The following BLK variants were observed in gnomAD, a reference collection of about 807,000 sequenced individuals.
The protein encoded by BLK is BLK proto-oncogene, Src family tyrosine kinase.
A neutral mutation model predicts 61.8 loss-of-function variants in BLK; 64 were observed. The observed-to-expected ratio is 1.03, with a 90% CI of 0.85 to 1.27. The LOEUF is 1.27. Among genes scored for constraint, BLK ranks in the 50% most tolerant of loss-of-function variants. The probability of loss-of-function intolerance (pLI) is 0.00; values close to 1 mark genes in which losing one functional copy is unlikely to be tolerated. For synonymous variants in BLK, 351 were observed against 272.0 expected (o/e 1.29, Z -2.86); for missense variants, 853 against 660.5 (o/e 1.29, Z -3.19).
At chr8:11,495,037 T>G (rs1585308701) in intron 1 of BLK, among the ~76,000 whole-genome samples, 1 of 152,296 alleles carries the variant, frequency 6.6e-6, no homozygotes, top group Admixed American at 6.5e-5. Flanking sequence ...GTTGCTTTCG[T>G]TTTATTTGTT....
intron 1 of BLK, among the ~76,000 whole-genome samples, chr8:11,521,932 G>C (rs1227356200): frequency 6.6e-6 from 1 of 151,966 alleles, no homozygotes. Context: ...ATAAAATTTT[G>C]AAAACCAGCT....
At chr8:11,496,820 G>T (rs1798376063) in intron 1 of BLK, among the ~76,000 whole-genome samples, 1 of 152,222 alleles carries the variant, frequency 6.6e-6, no homozygotes, top group Non-Finnish European at 1.5e-5. Flanking sequence ...GTGGCTGTGA[G>T]CTGGGCTCGA....
intron 6 of BLK, 146 bp downstream of exon 6, chr8:11,550,408 C>G (rs1585400682): frequency 1.3e-6 from 1 of 793,750 alleles, no homozygotes; most frequent in African/African-American, 1.7e-5. Context: ...AATTCAGGCC[C>G]TGCCCGGGAG....
At chr8:11,558,678 G>C (rs1264110464) in intron 10 of BLK, 2 of 456,154 alleles carry the variant, frequency 4.4e-6, no homozygotes, top group Admixed American at 4.7e-5. Context: ...GACTCCATGG[G>C]GTGAAGAGCA....
At chr8:11,541,500 CTTTT>C (rs145013879) in intron 1 of BLK, among the ~76,000 whole-genome samples, 1 of 145,838 alleles carries the variant, frequency 6.9e-6, no homozygotes, top group Non-Finnish European at 1.5e-5. Flanking sequence ...GTCTCTCTCT[CTTTT>C]TTTTTTTTTT....
At chr8:11,551,373 C>T (rs377188676) in intron 6 of BLK, among the ~76,000 whole-genome samples, 6 of 152,160 alleles carry the variant, frequency 3.9e-5, no homozygotes, top group East Asian at 1.9e-4. Flanking sequence ...CTCACGTGGC[C>T]GTCCCTCCAT....
At chr8:11,534,058 C>T (rs77841371) in intron 1 of BLK, among the ~76,000 whole-genome samples, 1 of 152,166 alleles carries the variant, frequency 6.6e-6, no homozygotes, top group African/African-American at 2.4e-5. Flanking sequence ...ATCAGCATCA[C>T]TGGGGGCATT....
Position 11,548,142 on chromosome 8 carries a change from C to G in BLK, c.269+17C>G. 2 of 1,598,210 alleles carry G rather than the reference C, an allele frequency of 1.3e-6. No homozygotes were observed. Among genetic ancestry groups the G allele is most frequent in the Non-Finnish European group, 8.6e-7 (1 of 1,166,938 alleles). ...CCTGAAGGGGTGAGGTTCCAGGACA[C>G]CATCCCCTGTCCCTGCAGGACCCCC... On this transcript the variant is annotated intron_variant, in intron 4 of 12. Transcript: ENST00000259089.
chr8:11,522,667 G>T (rs1041832890), intron 1 of BLK, among the ~76,000 whole-genome samples: 9 of 145,248 alleles, frequency 6.2e-5, no homozygotes, highest in African/African-American at 2.3e-4. Flanking sequence ...TAATAGAAAA[G>T]GATACAGTAA....
intron 1 of BLK, among the ~76,000 whole-genome samples, chr8:11,503,787 T>G (rs1798655382): frequency 6.6e-6 from 1 of 152,160 alleles, no homozygotes; most frequent in African/African-American, 2.4e-5. Flanking sequence ...TCACCTCTGC[T>G]GAGGCTGCTG....
intron 1 of BLK, among the ~76,000 whole-genome samples, chr8:11,538,091 T>TAC (rs1800212219): frequency 6.6e-6 from 1 of 152,032 alleles, no homozygotes; most frequent in Non-Finnish European, 1.5e-5. Context: ...CACACATATA[T>TAC]ACACACACAT....
rs1436532393 is a variant in BLK, at chr8:11,564,111, G to C, written c.*3G>C. 3 of 1,553,806 alleles carry C rather than the reference G, an allele frequency of 1.9e-6. No individual in the cohort carries two copies. Among genetic ancestry groups the C allele is most frequent in the Non-Finnish European group, 2.6e-6 (3 of 1,155,102 alleles). ...GGCAGTACGAGCTGCAGCCCTAGCC[G>C]GCCGCGCCCGCCTGCGCCCCGTGCC... On this transcript the variant is annotated 3_prime_UTR_variant, in exon 13 of 13. Transcript: ENST00000259089.
intron 1 of BLK, among the ~76,000 whole-genome samples, chr8:11,507,067 C>T (rs1448782616): frequency 6.6e-6 from 1 of 152,216 alleles, no homozygotes; most frequent in Non-Finnish European, 1.5e-5. Flanking sequence ...TAGCCTGTCC[C>T]ATCTGCTGAC....
chr8:11,506,919 T>G (rs2736351), intron 1 of BLK, among the ~76,000 whole-genome samples: 3,424 of 152,318 alleles, frequency 0.022, 126 homozygotes, highest in African/African-American at 0.079. Flanking sequence ...AAGATCTGCA[T>G]CACGGGCTGA....
chr8:11,544,584 C>T (rs1296522905), intron 2 of BLK, among the ~76,000 whole-genome samples: 3 of 151,986 alleles, frequency 2.0e-5, no homozygotes, highest in African/African-American at 7.3e-5. Context: ...AGTAATTTCC[C>T]CAAAATTATA....
intron 1 of BLK, among the ~76,000 whole-genome samples, chr8:11,538,863 C>G (rs1364428658): frequency 6.6e-6 from 1 of 152,124 alleles, no homozygotes; most frequent in African/African-American, 2.4e-5. Flanking sequence ...GCCTTATGCT[C>G]CTCTGTTGCT....
At chr8:11,505,834 G>C (rs1670415054) in intron 1 of BLK, among the ~76,000 whole-genome samples, 1 of 152,176 alleles carries the variant, frequency 6.6e-6, no homozygotes, top group South Asian at 2.1e-4. Flanking sequence ...CTGTCCCTGA[G>C]GACTCCCTGG....
chr8:11,522,355 C>G (rs997814747), intron 1 of BLK, among the ~76,000 whole-genome samples: 6 of 152,054 alleles, frequency 3.9e-5, no homozygotes, highest in African/African-American at 1.4e-4. Context: ...TAATGTTTGA[C>G]AATACGAGTT....
chr8:11,545,100 G>A lies in BLK; in HGVS notation c.124-952G>A, dbSNP rs527456455. Among the ~76,000 whole-genome samples, 14 of 152,268 alleles carry A rather than the reference G, an allele frequency of 9.2e-5. No individual in the cohort carries two copies. The South Asian group carries it at 1.5e-3, about 16-fold the overall frequency. ...CTTTAAATCAACTACATCAAACAGC[G>A]CATATGCTTCTGAGACTGGGGTTGT... On this transcript the variant is annotated intron_variant, in intron 2 of 12. Coordinates refer to ENST00000259089, the MANE Select transcript of BLK (RefSeq NM_001715.3).
Sources: allele counts gnomAD v4.1 joint callset (sites outside exome capture counted in the v4.1 genomes callset), GRCh38; gene constraint gnomAD v4.1.1; transcripts MANE v1.5; gene names NCBI Gene and HGNC (gene_info 2026-07-23, HGNC 2026-07-21).